The following SUSD4 variants were observed in gnomAD, a reference collection of about 807,000 sequenced individuals.
SUSD4 encodes sushi domain containing 4.
Under a neutral mutation model 50.5 loss-of-function variants are expected in SUSD4, and 41 were observed. That is an observed-to-expected ratio of 0.81 (90% confidence interval 0.63 to 1.05). SUSD4 has a LOEUF of 1.05. SUSD4 is among the 50% of genes least tolerant of loss of function. The probability of loss-of-function intolerance (pLI) is 0.00; values close to 1 mark genes in which losing one functional copy is unlikely to be tolerated. For missense variants in SUSD4, 580 were observed against 634.7 expected, an observed-to-expected ratio of 0.91 and a Z score of 0.93; for synonymous variants, 257 against 257.3, an observed-to-expected ratio of 1.00 and a Z score of 0.01.
intron 2 of SUSD4, among the ~76,000 whole-genome samples, chr1:223,357,631 G>A (rs575020093): frequency 5.9e-5 from 9 of 152,288 alleles, no homozygotes; most frequent in East Asian, 3.9e-4. Flanking sequence ...GAGTTGGTAC[G>A]TAATAAGCAC....
At chr1:223,309,633 C>G (rs1665754410) in intron 2 of SUSD4, among the ~76,000 whole-genome samples, 2 of 152,156 alleles carry the variant, frequency 1.3e-5, no homozygotes, top group African/African-American at 4.8e-5. Flanking sequence ...GGTGACATTT[C>G]TTGTCTCATT....
At chr1:223,320,991 C>T (rs1226316983) in intron 2 of SUSD4, among the ~76,000 whole-genome samples, 1 of 152,230 alleles carries the variant, frequency 6.6e-6, no homozygotes, top group Non-Finnish European at 1.5e-5. Flanking sequence ...TCTCATTCCA[C>T]ATGTGGCATG....
intron 5 of SUSD4, among the ~76,000 whole-genome samples, chr1:223,239,532 C>CTT: frequency 6.6e-6 from 1 of 152,168 alleles, no homozygotes; most frequent in East Asian, 1.9e-4. Context: ...TCTTTTTTAA[C>CTT]TTATTTTAGT....
intron 2 of SUSD4, among the ~76,000 whole-genome samples, chr1:223,348,104 GA>G (rs71668467): frequency 8.1e-4 from 116 of 142,758 alleles, no homozygotes; most frequent in Middle Eastern, 3.6e-3. Flanking sequence ...TATTCAAATG[GA>G]AAAAAAAAAA....
intron 3 of SUSD4, among the ~76,000 whole-genome samples, chr1:223,286,206 C>G (rs976440187): frequency 6.6e-6 from 1 of 152,122 alleles, no homozygotes; most frequent in Non-Finnish European, 1.5e-5. Context: ...AGCTCCTCCC[C>G]CTGGGTTCAT....
At chr1:223,271,920 A>T (rs17163762) in intron 3 of SUSD4, among the ~76,000 whole-genome samples, 1 of 152,080 alleles carries the variant, frequency 6.6e-6, no homozygotes, top group African/African-American at 2.4e-5. Flanking sequence ...CTATAGCATA[A>T]ACTAATCTAG....
chr1:223,281,440 T>A (rs911164088), intron 3 of SUSD4, among the ~76,000 whole-genome samples: 1 of 152,138 alleles, frequency 6.6e-6, no homozygotes, highest in Non-Finnish European at 1.5e-5. Context: ...CAAACTACCA[T>A]CAGAGAATAC....
chr1:223,266,698 TAG>T (rs1406438427), intron 4 of SUSD4, among the ~76,000 whole-genome samples: 1 of 152,356 alleles, frequency 6.6e-6, no homozygotes, highest in South Asian at 2.1e-4. Context: ...TTCTAGATAA[TAG>T]AGAGAGGCCT....
chr1:223,233,830 C>T (rs530604931), intron 5 of SUSD4, among the ~76,000 whole-genome samples: 2 of 152,296 alleles, frequency 1.3e-5, no homozygotes, highest in African/African-American at 4.8e-5. Flanking sequence ...TCTGCAACTC[C>T]ATTTTTCTTA....
At chr1:223,286,413 C>T (rs1329088774) in intron 3 of SUSD4, among the ~76,000 whole-genome samples, 1 of 152,164 alleles carries the variant, frequency 6.6e-6, no homozygotes, top group Non-Finnish European at 1.5e-5. Flanking sequence ...CCGCACCTGG[C>T]CAATTTTTTG....
chr1:223,320,467 G>A (rs1465343123), intron 2 of SUSD4, among the ~76,000 whole-genome samples: 2 of 152,068 alleles, frequency 1.3e-5, no homozygotes, highest in African/African-American at 4.8e-5. Flanking sequence ...CATACCCTGG[G>A]TGGTTGTGTC....
chr1:223,359,815 T>C (rs1319097709), intron 2 of SUSD4, among the ~76,000 whole-genome samples: 3 of 152,190 alleles, frequency 2.0e-5, no homozygotes, highest in Non-Finnish European at 4.4e-5. Context: ...AGAGAAGTTA[T>C]GGCATTTAAA....
At chr1:223,239,138 A>C (rs1238641655) in intron 5 of SUSD4, among the ~76,000 whole-genome samples, 1 of 152,088 alleles carries the variant, frequency 6.6e-6, no homozygotes, top group Non-Finnish European at 1.5e-5. Flanking sequence ...TCTGGAATAA[A>C]TACACAGTTG....
At chr1:223,339,505 C>T (rs575399660) in intron 2 of SUSD4, among the ~76,000 whole-genome samples, 5 of 152,262 alleles carry the variant, frequency 3.3e-5, no homozygotes, top group East Asian at 1.9e-4. Flanking sequence ...CGCCATCTCC[C>T]TTCTCACCTG....
chr1:223,355,482 G>T (rs1439822478), intron 2 of SUSD4, among the ~76,000 whole-genome samples: 1 of 152,102 alleles, frequency 6.6e-6, no homozygotes, highest in Non-Finnish European at 1.5e-5. Flanking sequence ...GCCTCCCAAA[G>T]TGCTGAGGTT....
rs1659626469 is a variant in SUSD4, at chr1:223,227,894, T to C, written c.917-156A>G. On this transcript the variant is annotated intron_variant, in intron 6 of 8. Coordinates refer to ENST00000366878, the MANE Select transcript of SUSD4 (RefSeq NM_017982.4). The surrounding 1 kb of genome is among the most constrained non-coding windows in gnomAD (Gnocchi z 4.5). ...TCGGCAGAGATACCATGTGCCCCTG[T>C]AGCTCATGTAAATTGCATCAGGATC... Among the ~76,000 whole-genome samples the C allele has an allele frequency of 6.6e-6, 1 of 152,192 alleles. No individual in the cohort carries two copies. Among genetic ancestry groups the C allele is most frequent in the Non-Finnish European group, 1.5e-5 (1 of 68,020 alleles).
chr1:223,245,658 G>A (rs1469901048), intron 5 of SUSD4, among the ~76,000 whole-genome samples: 1 of 152,210 alleles, frequency 6.6e-6, no homozygotes, highest in African/African-American at 2.4e-5. Flanking sequence ...AGCTAGCTGG[G>A]TGGAGAACAG....
chr1:223,305,661 C>T (rs1230875714), intron 2 of SUSD4, among the ~76,000 whole-genome samples: 1 of 152,104 alleles, frequency 6.6e-6, no homozygotes, highest in Non-Finnish European at 1.5e-5. Flanking sequence ...GGAAATACAA[C>T]AAAAGAAAAC....
At chr1:223,314,021 C>G (rs1666033327) in intron 2 of SUSD4, among the ~76,000 whole-genome samples, 1 of 152,108 alleles carries the variant, frequency 6.6e-6, no homozygotes, top group South Asian at 2.1e-4. Flanking sequence ...CAAACAGCAG[C>G]CCTCAGAACT....
Sources: allele counts gnomAD v4.1 joint callset (sites outside exome capture counted in the v4.1 genomes callset), GRCh38; gene constraint gnomAD v4.1.1; non-coding constraint Gnocchi (gnomAD v3.1); transcripts MANE v1.5; gene names NCBI Gene and HGNC (gene_info 2026-07-23, HGNC 2026-07-21).